SPAG1: variants seen among roughly 807,000 people sequenced by gnomAD.
SPAG1 encodes sperm associated antigen 1.
Under a neutral mutation model 100.5 loss-of-function variants are expected in SPAG1, and 69 were observed. The ratio of observed to expected loss-of-function variants is 0.69; its 90% CI spans 0.57 to 0.84. The LOEUF (loss-of-function observed/expected upper bound fraction) is 0.84, where lower values mean the gene tolerates loss of function less well. SPAG1 is among the 40% of genes least tolerant of loss of function. SPAG1 has a pLI of 0.00. For synonymous variants in SPAG1, 336 were observed against 411.6 expected, an observed-to-expected ratio of 0.82 and a Z score of 2.22; for missense variants, 955 against 1,133.1, an observed-to-expected ratio of 0.84 and a Z score of 2.26.
At chr8:100,206,625 G>GAGATATTCCTTCTAAGGTGAAGCA (rs1446179956) in intron 10 of SPAG1, among the ~76,000 whole-genome samples, 14 of 151,892 alleles carry the variant, frequency 9.2e-5, no homozygotes, top group African/African-American at 3.1e-4. Flanking sequence ...GGGGCCTGTC[G>GAGATATTCCTTCTAAGGTGAAGCA]AGATATTCCT....
Position 100,162,326 on chromosome 8 carries a change from A to C in SPAG1, c.46A>C (p.Lys16Gln), listed in dbSNP as rs779646099. The change falls in exon 2 of 19, where the codon AAA (lysine) becomes CAA (glutamine). Residue 16 changes from lysine (K) to glutamine (Q), a missense_variant. Coordinates refer to ENST00000388798, the MANE Select transcript of SPAG1 (RefSeq NM_003114.5). The part of the protein sequence containing the change: ...YPSLWGFGTT[K>Q]TFKIPIEHLD... The stretch of plus-strand genomic sequence containing the variant: ...ATCATTGTGGGGCTTTGGAACAACA[A>C]AAACATTCAAAATTCCCATTGAACA... The C allele has an allele frequency of 1.9e-6, 3 of 1,605,992 alleles. No individual in the cohort carries two copies. The highest frequency in any genetic ancestry group is 1.1e-5 in the South Asian group (1 of 88,696).
At chr8:100,221,538 G>A (rs913984629) in intron 13 of SPAG1, among the ~76,000 whole-genome samples, 2 of 152,062 alleles carry the variant, frequency 1.3e-5, no homozygotes, top group African/African-American at 4.8e-5. Flanking sequence ...ATGTTACACT[G>A]TACCCCATGC....
At chr8:100,179,564 T>A (rs568354792) in intron 4 of SPAG1, among the ~76,000 whole-genome samples, 8 of 152,250 alleles carry the variant, frequency 5.3e-5, no homozygotes, top group Non-Finnish European at 8.8e-5. Context: ...GTCCAGAAAG[T>A]TAGTGCTATT....
chr8:100,225,920 C>T (rs1488454986), intron 14 of SPAG1, among the ~76,000 whole-genome samples: 2 of 151,936 alleles, frequency 1.3e-5, no homozygotes, highest in Admixed American at 1.3e-4. Flanking sequence ...GCAGTCTCGA[C>T]CTCCTAAGCT....
intron 4 of SPAG1, among the ~76,000 whole-genome samples, chr8:100,180,351 C>A (rs1484054879): frequency 6.6e-6 from 1 of 152,064 alleles, no homozygotes; most frequent in Non-Finnish European, 1.5e-5. Flanking sequence ...AAACAAAGTG[C>A]AAATTAGGGC....
intron 6 of SPAG1, among the ~76,000 whole-genome samples, chr8:100,184,296 G>T (rs2132259579): frequency 6.6e-6 from 1 of 152,044 alleles, no homozygotes; most frequent in Middle Eastern, 3.4e-3. Flanking sequence ...TAATTCATTT[G>T]TTTTTAATTC....
At chr8:100,181,365 A>AT (rs1020145450) in intron 4 of SPAG1, among the ~76,000 whole-genome samples, 2 of 152,164 alleles carry the variant, frequency 1.3e-5, no homozygotes, top group Non-Finnish European at 2.9e-5. Context: ...AAAGGGGGAT[A>AT]TTTTTTGTCA....
intron 11 of SPAG1, 145 bp from the exon 12 acceptor site, chr8:100,213,674 C>G (rs746099575): frequency 1.9e-5 from 11 of 581,892 alleles, no homozygotes; most frequent in East Asian, 1.6e-4. Flanking sequence ...GTGGCTGTTG[C>G]GGGTAGCAGC....
chr8:100,173,033 C>CTTTTTT lies in SPAG1; in HGVS notation c.301-4761_301-4756dup, dbSNP rs149257955. Among the ~76,000 whole-genome samples the CTTTTTT allele has an allele frequency of 1.3e-4, 8 of 63,660 alleles. 1 individual carries two copies. Among genetic ancestry groups the CTTTTTT allele is most frequent in the East Asian group, 5.3e-4 (1 of 1,894 alleles). The allele number at this position is 63,660 out of a possible 152,430, so 41.8% of individuals were successfully genotyped here. On this transcript the variant is annotated intron_variant, in intron 3 of 18. Transcript: ENST00000388798. Reference sequence around the variant, plus strand: ...GTGTCTTTGCTCTTCTTGACCACTTCTTTTTTTTTTTTTTTTTTTTTTTTT... The same window carrying CTTTTTT: ...GTGTCTTTGCTCTTCTTGACCACTTCTTTTTTTTTTTTTTTTTTTTTTTTTTTTTTT...
intron 10 of SPAG1, among the ~76,000 whole-genome samples, chr8:100,211,750 T>C (rs1043120830): frequency 6.6e-6 from 1 of 152,256 alleles, no homozygotes; most frequent in African/African-American, 2.4e-5. Context: ...TAGCTTCTTG[T>C]TTCTCTGTTG....
chr8:100,168,559 A>ATT (rs552968507), intron 3 of SPAG1, among the ~76,000 whole-genome samples: 2 of 136,920 alleles, frequency 1.5e-5, no homozygotes, highest in Non-Finnish European at 3.2e-5. Context: ...ACACCTGGCT[A>ATT]TTTTTTTTTT....
intron 14 of SPAG1, among the ~76,000 whole-genome samples, chr8:100,229,227 C>T (rs1361551165): frequency 6.6e-6 from 1 of 151,552 alleles, no homozygotes; most frequent in East Asian, 1.9e-4. Context: ...TGGAGACCAT[C>T]CTGGCTAACA....
intron 14 of SPAG1, among the ~76,000 whole-genome samples, chr8:100,229,423 C>CA (rs1231565539): frequency 1.3e-5 from 2 of 150,990 alleles, no homozygotes; most frequent in African/African-American, 4.9e-5. Context: ...GACTCCGTCT[C>CA]AAAAAACAAA....
intron 7 of SPAG1, among the ~76,000 whole-genome samples, 189 bp downstream of exon 7, chr8:100,184,922 C>T (rs1816524534): frequency 6.6e-6 from 1 of 152,200 alleles, no homozygotes; most frequent in East Asian, 1.9e-4. Context: ...TAAGCTCCCA[C>T]TCCACTCCTA....
At chr8:100,216,634 T>C (rs952254998) in intron 12 of SPAG1, among the ~76,000 whole-genome samples, 3 of 152,200 alleles carry the variant, frequency 2.0e-5, no homozygotes, top group African/African-American at 7.2e-5. Flanking sequence ...TGGTTGGTGC[T>C]GACCTCCGTA....
intron 4 of SPAG1, among the ~76,000 whole-genome samples, chr8:100,179,684 A>G (rs1816283801): frequency 6.6e-6 from 1 of 152,238 alleles, no homozygotes; most frequent in Non-Finnish European, 1.5e-5. Flanking sequence ...TTGTATATAC[A>G]GTAAAAACAA....
At chr8:100,212,918 G>A (rs535005185) in intron 10 of SPAG1, among the ~76,000 whole-genome samples, 172 bp from the exon 11 acceptor site, 2 of 152,082 alleles carry the variant, frequency 1.3e-5, no homozygotes, top group African/African-American at 4.8e-5. Context: ...AGCGGACTGG[G>A]CCGACTGGCT....
At chr8:100,240,312 A>G in intron 17 of SPAG1, 91 bp from the exon 18 acceptor site, 1 of 1,253,862 alleles carries the variant, frequency 8.0e-7, no homozygotes, top group Non-Finnish European at 1.1e-6. Flanking sequence ...GTCTACTTGT[A>G]GTTTTCAATT....
intron 6 of SPAG1, 64 bp downstream of exon 6, chr8:100,184,126 C>CA: frequency 2.8e-6 from 2 of 715,004 alleles, no homozygotes; most frequent in Non-Finnish European, 4.5e-6. Flanking sequence ...TAAAAAGTGT[C>CA]AATCTAGAAG....
Sources: allele counts gnomAD v4.1 joint callset (sites outside exome capture counted in the v4.1 genomes callset), GRCh38; gene constraint gnomAD v4.1.1; transcripts MANE v1.5; gene names NCBI Gene and HGNC (gene_info 2026-07-23, HGNC 2026-07-21).